The following TMEM268 variants were observed in gnomAD, a reference collection of about 807,000 sequenced individuals.
TMEM268 encodes the protein transmembrane protein 268, also known as transmembrane protein C9orf91.
In TMEM268, 24 loss-of-function variants were observed where a neutral mutation model predicts 39.1. The ratio of observed to expected loss-of-function variants is 0.61; its 90% CI spans 0.44 to 0.86. TMEM268 has a LOEUF of 0.86. TMEM268 is among the 40% of genes least tolerant of loss of function. TMEM268 has a pLI of 0.00. For synonymous variants in TMEM268, 176 were observed against 173.5 expected, an observed-to-expected ratio of 1.01 and a Z score of -0.12; for missense variants, 409 against 428.6, an observed-to-expected ratio of 0.95 and a Z score of 0.40.
intron 1 of TMEM268, among the ~76,000 whole-genome samples, chr9:114,616,017 CTT>C (rs58289502): frequency 8.2e-5 from 10 of 121,292 alleles, no homozygotes; most frequent in East Asian, 2.8e-4. Flanking sequence ...TTTTTCTTTT[CTT>C]TTTTTTTTTT....
chr9:114,614,704 A>G (rs1845633250), intron 1 of TMEM268, among the ~76,000 whole-genome samples: 1 of 152,118 alleles, frequency 6.6e-6, no homozygotes, highest in Non-Finnish European at 1.5e-5. Context: ...ACCTTTCACC[A>G]AGATGGTTAG....
chr9:114,633,810 GC>G lies in TMEM268; in HGVS notation c.520del (p.Leu174SerfsTer2). ...CCTGAGGCTGGCAGCTGCCAATGGA[GC>G]CCTCCTGAGACACCGGGTGCTGCTG... ...TDLRLAAANG[A>X]LLRHRVLLGV... is the part of the protein sequence containing the mutation. On this transcript the variant is annotated frameshift_variant, in exon 6 of 9. Transcript: ENST00000288502. LOFTEE classifies it high-confidence loss of function. 1 of 1,605,382 alleles carries G rather than the reference GC, an allele frequency of 6.2e-7. No individual in the cohort carries two copies. Among genetic ancestry groups the G allele is most frequent in the Non-Finnish European group, 8.5e-7 (1 of 1,176,096 alleles).
intron 1 of TMEM268, among the ~76,000 whole-genome samples, chr9:114,611,905 A>G (rs1167889076): frequency 6.6e-6 from 1 of 152,236 alleles, no homozygotes; most frequent in Non-Finnish European, 1.5e-5. Context: ...CAGCTGCCCA[A>G]GGCCAAGGCC....
upstream of TMEM268, among the ~76,000 whole-genome samples, chr9:114,606,269 G>A (rs574159629): frequency 2.7e-3 from 413 of 152,236 alleles, 2 homozygotes; most frequent in Non-Finnish European, 4.8e-3. Context: ...GGGATTGCTG[G>A]CCTTCCTGAT....
At chr9:114,625,445 T>C (rs1846117622) in intron 3 of TMEM268, among the ~76,000 whole-genome samples, 1 of 3,166 alleles carries the variant, frequency 3.2e-4, no homozygotes, top group Admixed American at 2.8e-3. Context: ...TTCTTCTTCT[T>C]TTTTTTTTTT....
At position 114,611,394 on chromosome 9, in the gene TMEM268, C is replaced by A. The variant is rs1198605460; in HGVS notation, c.-249C>A. 1 of 151,782 alleles carries A rather than the reference C, an allele frequency of 6.6e-6. No homozygotes were observed. The highest frequency in any genetic ancestry group is 6.6e-5 in the Admixed American group (1 of 15,152). The allele number at this position is 151,782 out of a possible 1,614,324, so 9.4% of individuals were successfully genotyped here. ...GGGCGGCTCCTCGGGGTTGGGCGAC[C>A]GAGCGGGGCCGGCCGGGCGGGGGGC... On this transcript the variant is annotated 5_prime_UTR_variant, in exon 1 of 9. Coordinates refer to ENST00000288502, the MANE Select transcript of TMEM268 (RefSeq NM_153045.4).
chr9:114,627,252 T>C (rs1846203201), intron 4 of TMEM268, among the ~76,000 whole-genome samples: 1 of 152,188 alleles, frequency 6.6e-6, no homozygotes, highest in Admixed American at 6.5e-5. Flanking sequence ...GAGCTTGGGA[T>C]TGGGAGTCTG....
chr9:114,631,544 T>A (rs900775817), intron 5 of TMEM268, among the ~76,000 whole-genome samples: 3 of 152,180 alleles, frequency 2.0e-5, no homozygotes, highest in African/African-American at 7.2e-5. Flanking sequence ...GGTAGGGGCA[T>A]TATTATCTCC....
In TMEM268 at chr9:114,638,539, T is replaced by C. The variant is rs775127409; in HGVS notation, c.667-5T>C. ...TCCTGAGCCCCTTCTCTGTTTCCTT[T>C]GCAGTCCTTGCTGAGAAGCAGATTG... On this transcript the variant is annotated splice_polypyrimidine_tract_variant and splice_region_variant and intron_variant, in intron 7 of 8. Coordinates refer to ENST00000288502, the MANE Select transcript of TMEM268 (RefSeq NM_153045.4). 2 of 1,556,066 alleles carry C rather than the reference T, an allele frequency of 1.3e-6. No homozygotes were observed. The highest frequency in any genetic ancestry group is 2.8e-5 in the African/African-American group (2 of 72,266).
chr9:114,622,844 A>G (rs956753726), intron 2 of TMEM268, among the ~76,000 whole-genome samples: 1 of 152,064 alleles, frequency 6.6e-6, no homozygotes, highest in Non-Finnish European at 1.5e-5. Flanking sequence ...TAATCCCAGT[A>G]CTTTGGGAGG....
At chr9:114,627,203 C>T (rs1846200196) in intron 4 of TMEM268, among the ~76,000 whole-genome samples, 197 bp downstream of exon 4, 1 of 152,072 alleles carries the variant, frequency 6.6e-6, no homozygotes, top group African/African-American at 2.4e-5. Flanking sequence ...GTAACCAGGT[C>T]GTTGCATAAA....
chr9:114,621,688 A>G (rs968587540), intron 2 of TMEM268, among the ~76,000 whole-genome samples: 81 of 152,252 alleles, frequency 5.3e-4, no homozygotes, highest in African/African-American at 1.9e-3. Flanking sequence ...CAAATGATGC[A>G]TGGGCTGTAA....
At chr9:114,618,001 C>T (rs770384810) in intron 2 of TMEM268, among the ~76,000 whole-genome samples, 12 of 152,052 alleles carry the variant, frequency 7.9e-5, no homozygotes, top group Admixed American at 2.0e-4. Flanking sequence ...CTCGGCTTCC[C>T]GAGTAGCTGG....
chr9:114,621,011 A>G (rs1321262968), intron 2 of TMEM268, among the ~76,000 whole-genome samples: 1 of 152,130 alleles, frequency 6.6e-6, no homozygotes, highest in Non-Finnish European at 1.5e-5. Flanking sequence ...GGAACCCTTG[A>G]GATCAGAGAT....
At chr9:114,618,096 C>T (rs769204875) in intron 2 of TMEM268, among the ~76,000 whole-genome samples, 14 of 151,822 alleles carry the variant, frequency 9.2e-5, no homozygotes, top group Non-Finnish European at 1.8e-4. Flanking sequence ...AGGCTGGTCT[C>T]GAATTTCTGA....
chr9:114,607,882 G>C (rs926711833), upstream of TMEM268, among the ~76,000 whole-genome samples: 6 of 152,160 alleles, frequency 3.9e-5, no homozygotes, highest in Non-Finnish European at 8.8e-5. Context: ...AGAACTAGAA[G>C]TGAGAGAACA....
intron 1 of TMEM268, among the ~76,000 whole-genome samples, chr9:114,613,401 TG>T (rs1845582512): frequency 6.6e-6 from 1 of 152,236 alleles, no homozygotes; most frequent in African/African-American, 2.4e-5. Context: ...ACAGCTTCTC[TG>T]GGCTGTAGGC....
rs1267053316 is a variant in TMEM268, at chr9:114,638,616, G to A, written c.739G>A (p.Gly247Arg). The A allele has an allele frequency of 6.2e-7, 1 of 1,609,640 alleles. No individual in the cohort carries two copies. Among genetic ancestry groups the A allele is most frequent in the Non-Finnish European group, 8.5e-7 (1 of 1,178,222 alleles). ...ETGVSPATAE[G>R]PENLEDAPLL... ...TGGGGTGAGCCCTGCAACAGCGGAG[G>A]GGCCTGAGAACTTGGAGGATGCTCC... is the stretch of plus-strand genomic sequence containing the variant. The change falls in exon 8 of 9, where the codon GGG (glycine) becomes AGG (arginine). Residue 247 changes from glycine (G) to arginine (R), a missense_variant. Coordinates refer to ENST00000288502, the MANE Select transcript of TMEM268 (RefSeq NM_153045.4).
chr9:114,643,765 C>G lies in TMEM268; in HGVS notation c.*452C>G, dbSNP rs1827454452. On this transcript the variant is annotated 3_prime_UTR_variant, in exon 9 of 9. Coordinates refer to ENST00000288502, the MANE Select transcript of TMEM268 (RefSeq NM_153045.4). ...ACTGAGGCTCAGAGAGGATACTGCT[C>G]TATGTGGCATTGCCTTGAACCCCTA... is the stretch of plus-strand genomic sequence containing the variant. 6.4e-6 allele frequency: 1 copy of G among 155,110 alleles called. No individual in the cohort carries two copies. 9.6% of individuals were successfully genotyped at this position (155,110 alleles called of 1,614,324 possible). A position where few individuals can be genotyped will look rare whatever the true frequency, so the allele number is the denominator to read the frequency against.
Sources: allele counts gnomAD v4.1 joint callset (sites outside exome capture counted in the v4.1 genomes callset), GRCh38; gene constraint gnomAD v4.1.1; transcripts MANE v1.5; gene names NCBI Gene and HGNC (gene_info 2026-07-23, HGNC 2026-07-21).